Variants in ITIH5 observed in about 807,000 individuals in gnomAD.
ITIH5 encodes inter-alpha-trypsin inhibitor heavy chain 5.
ITIH5 carries 65 observed loss-of-function variants against 77.5 expected under a neutral mutation model. The observed-to-expected ratio is 0.84, with a 90% CI of 0.69 to 1.03. The LOEUF (loss-of-function observed/expected upper bound fraction) is 1.03. Ranked by LOEUF, ITIH5 falls within the 50% of genes least tolerant of loss-of-function variation. ITIH5 has a pLI of 0.00. For synonymous variants in ITIH5, 525 were observed against 494.3 expected (o/e 1.06, Z -0.82); for missense variants, 1,208 against 1,213.1 (o/e 1.00, Z 0.06).
intron 13 of ITIH5, 119 bp downstream of exon 13, chr10:7,565,911 T>G: frequency 7.1e-7 from 1 of 1,399,940 alleles, no homozygotes; most frequent in Non-Finnish European, 9.6e-7. Context: ...GTATATATAA[T>G]GAAAACCACA....
rs764094082 is a variant in ITIH5 at position 7,576,892 on chromosome 10, G to C, written c.1539C>G (p.Ile513Met). ...FPNYFNGSEI[I>M]IAGKLVDRKL... ...TCCTGTCCACCAGCTTCCCCGCAAT[G>C]ATGATCTCCGAGCCGTTGAAGTAGT... The change falls in exon 10 of 14, where the codon ATC becomes ATG. Residue 513 changes from isoleucine to methionine, a missense_variant. Physicochemically the swap from Ile to Met is conservative, Grantham distance 10. Coordinates refer to ENST00000397146, the MANE Select transcript of ITIH5 (RefSeq NM_030569.7). 1 of 1,614,186 alleles carries C rather than the reference G, an allele frequency of 6.2e-7. No homozygotes were observed. The highest frequency in any genetic ancestry group is 8.5e-7 in the Non-Finnish European group (1 of 1,180,018).
At chr10:7,605,540 C>G (rs1275692442) in intron 7 of ITIH5, among the ~76,000 whole-genome samples, 3 of 151,408 alleles carry the variant, frequency 2.0e-5, no homozygotes, top group Non-Finnish European at 2.9e-5. Context: ...AGCACCCCAC[C>G]CCCAACAGCC....
chr10:7,611,069 A>G (rs542048958), intron 7 of ITIH5, among the ~76,000 whole-genome samples: 60 of 152,204 alleles, frequency 3.9e-4, no homozygotes, highest in Non-Finnish European at 7.8e-4. Flanking sequence ...ATCCATTTGC[A>G]CTTCTGCCAG....
chr10:7,605,648 G>C (rs1007812063), intron 7 of ITIH5, among the ~76,000 whole-genome samples: 1 of 152,066 alleles, frequency 6.6e-6, no homozygotes, highest in Non-Finnish European at 1.5e-5. Context: ...AACCCAAGAA[G>C]TGGGGGGCTG....
chr10:7,656,412 G>A (rs888205073), intron 1 of ITIH5, among the ~76,000 whole-genome samples: 8 of 152,162 alleles, frequency 5.3e-5, no homozygotes, highest in Non-Finnish European at 7.4e-5. Context: ...ACAGGGTCTC[G>A]CTATGTTGTC....
At chr10:7,656,368 C>A (rs1834181717) in intron 1 of ITIH5, among the ~76,000 whole-genome samples, 1 of 152,096 alleles carries the variant, frequency 6.6e-6, no homozygotes, top group African/African-American at 2.4e-5. Flanking sequence ...GCATGAGCCG[C>A]CAGATCGGGG....
At chr10:7,631,083 C>T (rs1390211490) in intron 5 of ITIH5, among the ~76,000 whole-genome samples, 6 of 151,782 alleles carry the variant, frequency 4.0e-5, no homozygotes, top group African/African-American at 1.5e-4. Flanking sequence ...GCGGGAACTA[C>T]AGCGGAATAT....
chr10:7,666,935 C>A lies in ITIH5; in HGVS notation c.-43G>T, dbSNP rs761339691. ...GGACGCTCGGGGACCCGGCGGGACA[C>A]GCTTTGCAGCGCCCAGGGCTCCAGC... On this transcript the variant is annotated 5_prime_UTR_variant, in exon 1 of 14. Transcript: ENST00000397146. 1 of 1,492,110 alleles carries A rather than the reference C, an allele frequency of 6.7e-7. No homozygotes were observed. The highest frequency in any genetic ancestry group is 1.9e-5 in the Admixed American group (1 of 53,858). The allele number at this position is 1,492,110 out of a possible 1,614,324, so 92.4% of individuals were successfully genotyped here.
At chr10:7,573,277 G>T in intron 10 of ITIH5, 82 bp from the exon 11 acceptor site, 3 of 1,159,964 alleles carry the variant, frequency 2.6e-6, no homozygotes, top group Non-Finnish European at 3.9e-6. Flanking sequence ...GAGGAGACAT[G>T]AGCAAAACAC....
chr10:7,647,622 A>G lies in ITIH5; in HGVS notation c.136-5532T>C, dbSNP rs141419796. On this transcript the variant is annotated intron_variant, in intron 2 of 13. Transcript: ENST00000397146. ...GTCTCTGTAGACATTCGAGTTTGCA[A>G]CCCCACTTCAGTGTGACTGCTGGTG... 1.5e-3 allele frequency among the ~76,000 whole-genome samples: 221 copies of G among 152,304 alleles called. 1 individual carries two copies. Among genetic ancestry groups the G allele is most frequent in the African/African-American group, 5.1e-3 (214 of 41,566 alleles).
At chr10:7,597,959 G>C (rs757781611) in intron 7 of ITIH5, among the ~76,000 whole-genome samples, 18 of 151,694 alleles carry the variant, frequency 1.2e-4, no homozygotes, top group Non-Finnish European at 4.4e-5. Context: ...TGAGTAAGAA[G>C]AACCAGTTCG....
chr10:7,613,590 G>C (rs1171943097), intron 7 of ITIH5, among the ~76,000 whole-genome samples: 1 of 152,112 alleles, frequency 6.6e-6, no homozygotes, highest in Admixed American at 6.5e-5. Context: ...ATTTTCTTTA[G>C]CTTCCCAGTA....
At chr10:7,646,266 T>G (rs1006357612) in intron 2 of ITIH5, among the ~76,000 whole-genome samples, 8 of 152,212 alleles carry the variant, frequency 5.3e-5, no homozygotes, top group Non-Finnish European at 1.2e-4. Context: ...TATTTAAAAT[T>G]TAAACTGGTG....
At position 7,641,935 on chromosome 10, in the gene ITIH5, G is replaced by A. The variant is rs928587805; in HGVS notation, c.291C>T (p.Asn97=). The A allele has an allele frequency of 1.6e-5, 26 of 1,614,134 alleles. No individual in the cohort carries two copies. Among genetic ancestry groups the A allele is most frequent in the Non-Finnish European group, 2.1e-5 (25 of 1,179,986 alleles). ...ACCAGCGTGTCACCTACATAGTGAAGTTGGTGATGAAAGCTGCAGCTGGAA... is the reference window on the plus strand; with the variant it reads ...ACCAGCGTGTCACCTACATAGTGAAATTGGTGATGAAAGCTGCAGCTGGAA... The part of the protein sequence containing the change: ...MQIPAAAFIT[N]FTMLIGDKVY... The change falls in exon 3 of 14, where the codon AAC becomes AAT. Residue 97 remains asparagine (N), a synonymous_variant. Coordinates refer to ENST00000397146, the MANE Select transcript of ITIH5 (RefSeq NM_030569.7).
chr10:7,579,846 C>A lies in ITIH5; in HGVS notation c.1327G>T (p.Asp443Tyr), dbSNP rs2130963203. The change falls in exon 9 of 14, where the codon GAC becomes TAC. Residue 443 changes from aspartate (D) to tyrosine (Y), a missense_variant. Asp to Tyr is a radical substitution (Grantham distance 160, BLOSUM62 -3). Transcript: ENST00000397146. ...GACAGTTTCTCCAGCAGCCTGAAGTCCACGTCGTTGCCGATGCCAATGGTG... is the reference window on the plus strand; with the variant it reads ...GACAGTTTCTCCAGCAGCCTGAAGTACACGTCGTTGCCGATGCCAATGGTG... ...IFTIGIGNDVDFRLLEKLSLE... is the reference protein window; with the variant it reads ...IFTIGIGNDVYFRLLEKLSLE... The A allele has an allele frequency of 1.2e-6, 2 of 1,614,224 alleles. No homozygotes were observed. Among genetic ancestry groups the A allele is most frequent in the Non-Finnish European group, 1.7e-6 (2 of 1,180,046 alleles).
intron 11 of ITIH5, 83 bp from the exon 12 acceptor site, chr10:7,569,867 T>C: frequency 1.5e-6 from 1 of 680,314 alleles, no homozygotes; most frequent in Non-Finnish European, 2.3e-6. Flanking sequence ...CTCTATTTTC[T>C]CATGAATTAT....
intron 12 of ITIH5, among the ~76,000 whole-genome samples, chr10:7,568,603 C>T (rs1832233530): frequency 6.6e-6 from 1 of 152,204 alleles, no homozygotes; most frequent in African/African-American, 2.4e-5. Flanking sequence ...TCAAACTCTA[C>T]ATAATTGCAT....
Position 7,573,265 on chromosome 10 carries a change from G to A in ITIH5, c.1979-70C>T, listed in dbSNP as rs376909323. The A allele has an allele frequency of 2.8e-5, 38 of 1,345,294 alleles. No homozygotes were observed. In the African/African-American group the frequency reaches 5.0e-4, roughly 18 times the overall value. 83.3% of individuals were successfully genotyped at this position (1,345,294 alleles called of 1,614,324 possible). ...AGATGAAGAGAGAGGTGCAAAGGGA[G>A]AGAGGAGACATGAGCAAAACACAGC... is the stretch of plus-strand genomic sequence containing the variant. On this transcript the variant is annotated intron_variant, in intron 10 of 13. Transcript: ENST00000397146.
intron 7 of ITIH5, among the ~76,000 whole-genome samples, chr10:7,596,407 C>T (rs1832898149): frequency 6.6e-6 from 1 of 152,212 alleles, no homozygotes; most frequent in South Asian, 2.1e-4. Flanking sequence ...CTGCGGCCCA[C>T]GGCTTCCTCC....
Sources: allele counts gnomAD v4.1 joint callset (sites outside exome capture counted in the v4.1 genomes callset), GRCh38; gene constraint gnomAD v4.1.1; transcripts MANE v1.5; gene names NCBI Gene and HGNC (gene_info 2026-07-23, HGNC 2026-07-21).